The following PTPRD variants were observed in gnomAD, a reference collection of about 807,000 sequenced individuals.
PTPRD encodes the protein receptor-type tyrosine-protein phosphatase delta.
PTPRD carries 34 observed loss-of-function variants against 214.5 expected under a neutral mutation model. The ratio of observed to expected loss-of-function variants is 0.16; its 90% CI spans 0.12 to 0.21. The LOEUF is 0.21. PTPRD is among the 10% of genes least tolerant of loss of function. The pLI, the probability that PTPRD is intolerant of heterozygous loss-of-function variation, is 1.00. For missense variants in PTPRD, 2,545 were observed against 2,398.7 expected, an observed-to-expected ratio of 1.06 and a Z score of -1.27; for synonymous variants, 1,128 against 845.7, an observed-to-expected ratio of 1.33 and a Z score of -5.79.
chr9:9,514,661 C>T (rs936492014), intron 8 of PTPRD, among the ~76,000 whole-genome samples: 3 of 152,002 alleles, frequency 2.0e-5, no homozygotes, highest in East Asian at 1.9e-4. Flanking sequence ...ACAGTTACTT[C>T]GATTTCCATT....
chr9:10,591,499 T>C (rs1235034500), intron 2 of PTPRD, among the ~76,000 whole-genome samples: 2 of 152,036 alleles, frequency 1.3e-5, no homozygotes, highest in Admixed American at 6.6e-5. Context: ...TGTCATCTAA[T>C]GCTGCAGAAT....
intron 2 of PTPRD, among the ~76,000 whole-genome samples, chr9:10,436,666 G>A (rs891673914): frequency 2.6e-5 from 4 of 151,494 alleles, no homozygotes; most frequent in African/African-American, 9.7e-5. Context: ...CTCTTCTAGT[G>A]CTTGAAATAA....
At chr9:9,705,475 T>C (rs2097582371) in intron 7 of PTPRD, among the ~76,000 whole-genome samples, 1 of 152,146 alleles carries the variant, frequency 6.6e-6, no homozygotes, top group Non-Finnish European at 1.5e-5. Context: ...AGGGCTTTTC[T>C]ATTTTATTTT....
chr9:8,340,299 G>T (rs1298841910), intron 42 of PTPRD, 44 bp downstream of exon 42: 1 of 1,536,340 alleles, frequency 6.5e-7, no homozygotes, highest in Non-Finnish European at 8.9e-7. Flanking sequence ...TTTCTCCACA[G>T]AGTAAATGTC....
intron 6 of PTPRD, among the ~76,000 whole-genome samples, chr9:9,758,819 G>T (rs901412072): frequency 1.3e-5 from 2 of 149,958 alleles, no homozygotes; most frequent in African/African-American, 4.9e-5. Flanking sequence ...TTGTGTACAG[G>T]CAAGGGGAAG....
At chr9:9,629,586 A>G (rs1222495635) in intron 7 of PTPRD, among the ~76,000 whole-genome samples, 3 of 152,180 alleles carry the variant, frequency 2.0e-5, no homozygotes, top group African/African-American at 7.2e-5. Flanking sequence ...ACCAGCCCTG[A>G]GGGACAGCCT....
At chr9:9,470,591 A>C (rs2094520120) in intron 8 of PTPRD, among the ~76,000 whole-genome samples, 1 of 152,214 alleles carries the variant, frequency 6.6e-6, no homozygotes, top group Non-Finnish European at 1.5e-5. Context: ...TTTGAAATAA[A>C]GGCAGCTGTC....
chr9:9,047,761 C>G (rs1483849873), intron 10 of PTPRD, among the ~76,000 whole-genome samples: 1 of 152,018 alleles, frequency 6.6e-6, no homozygotes, highest in Non-Finnish European at 1.5e-5. Context: ...AAATCTAAGA[C>G]CTCACACTAT....
intron 3 of PTPRD, among the ~76,000 whole-genome samples, chr9:10,139,505 A>C (rs902282962): frequency 6.6e-6 from 1 of 152,126 alleles, no homozygotes; most frequent in Non-Finnish European, 1.5e-5. Context: ...ATCATTTTTC[A>C]CAGAATTTGA....
At chr9:9,063,690 C>G (rs2099713728) in intron 10 of PTPRD, among the ~76,000 whole-genome samples, 2 of 152,120 alleles carry the variant, frequency 1.3e-5, no homozygotes, top group Admixed American at 1.3e-4. Context: ...AACCATTTAG[C>G]TTAGTGTAGC....
At chr9:8,478,864 G>T (rs1022234548) in intron 30 of PTPRD, among the ~76,000 whole-genome samples, 2 of 152,220 alleles carry the variant, frequency 1.3e-5, no homozygotes, top group African/African-American at 2.4e-5. Flanking sequence ...GAGTTAAGGA[G>T]TAGGGGCCAA....
chr9:8,600,121 G>C (rs1288390198), intron 14 of PTPRD, among the ~76,000 whole-genome samples: 1 of 152,184 alleles, frequency 6.6e-6, no homozygotes, highest in Non-Finnish European at 1.5e-5. Context: ...GTGAATGGGA[G>C]GCTTTCATCC....
chr9:8,915,481 A>ATG lies in PTPRD; in HGVS notation c.-104+103214_-104+103215dup, dbSNP rs147012909. On this transcript the variant is annotated intron_variant, in intron 11 of 45. Coordinates refer to ENST00000381196, the MANE Select transcript of PTPRD (RefSeq NM_002839.4). The stretch of plus-strand genomic sequence containing the variant: ...CTCCAGAAGATCGGAACAATGTGAT[A>ATG]TGTGTGTGTGTGTGCACATTCGTGT... 5.8e-3 allele frequency among the ~76,000 whole-genome samples: 879 copies of ATG among 152,088 alleles called. 19 individuals carry two copies. The highest frequency in any genetic ancestry group is 3.1e-3 in the Non-Finnish European group (209 of 67,992).
chr9:9,116,141 T>A (rs1008333691), intron 10 of PTPRD, among the ~76,000 whole-genome samples: 35 of 152,108 alleles, frequency 2.3e-4, no homozygotes, highest in African/African-American at 8.5e-4. Flanking sequence ...ATCATTCATA[T>A]CTGAAACCTC....
intron 2 of PTPRD, among the ~76,000 whole-genome samples, chr9:10,548,534 C>T (rs1037779118): frequency 1.3e-5 from 2 of 152,132 alleles, no homozygotes; most frequent in Admixed American, 6.6e-5. Context: ...AAAAGTGAAA[C>T]ATCTGAAAGA....
At chr9:10,466,432 T>C (rs2098993905) in intron 2 of PTPRD, among the ~76,000 whole-genome samples, 1 of 151,928 alleles carries the variant, frequency 6.6e-6, no homozygotes, top group African/African-American at 2.4e-5. Flanking sequence ...GAGACCAGCC[T>C]GACCAACATG....
rs150594702 is a variant in PTPRD, at chr9:9,568,382, A to G, written c.-237+6350T>C. Among the ~76,000 whole-genome samples, 454 of 152,002 alleles carry G rather than the reference A, an allele frequency of 3.0e-3. 2 individuals carry two copies. Among genetic ancestry groups the G allele is most frequent in the African/African-American group, 0.01 (430 of 41,508 alleles). On this transcript the variant is annotated intron_variant, in intron 8 of 45. Coordinates refer to ENST00000381196, the MANE Select transcript of PTPRD (RefSeq NM_002839.4). ...AGAATCAGGCTTCCTAAGTTCCACAAATATTCTGCCTTCTCATCTTTAATA... is the reference window on the plus strand; with the variant it reads ...AGAATCAGGCTTCCTAAGTTCCACAGATATTCTGCCTTCTCATCTTTAATA...
chr9:10,278,984 C>A (rs148835086), intron 3 of PTPRD, among the ~76,000 whole-genome samples: 1 of 152,176 alleles, frequency 6.6e-6, no homozygotes, highest in Non-Finnish European at 1.5e-5. Flanking sequence ...CCGTGTTAGC[C>A]AGGATGATCT....
rs149485793 is a variant in PTPRD at position 10,575,330 on chromosome 9, T to C, written c.-600+37068A>G. On this transcript the variant is annotated intron_variant, in intron 2 of 45. Coordinates refer to ENST00000381196, the MANE Select transcript of PTPRD (RefSeq NM_002839.4). ...ATACTAATATTTACCATTCATTAAA[T>C]AACTACAAAATTAAAAAAGAACATA... Among the ~76,000 whole-genome samples the C allele has an allele frequency of 2.0e-3, 308 of 152,162 alleles. 2 individuals carry two copies. Among genetic ancestry groups the C allele is most frequent in the African/African-American group, 7.2e-3 (298 of 41,552 alleles).
Sources: gnomAD v4.1 joint callset for allele counts (sites outside exome capture counted in the v4.1 genomes callset) on GRCh38, gnomAD v4.1.1 for gene constraint, MANE v1.5 for transcripts, NCBI Gene and HGNC (gene_info 2026-07-23, HGNC 2026-07-21) for gene names.